Variants in EVC2 observed in about 807,000 individuals in gnomAD.
EVC2 encodes EvC ciliary complex subunit 2.
In EVC2, 148 loss-of-function variants were observed where a neutral mutation model predicts 149.3. The ratio of observed to expected loss-of-function variants is 0.99; its 90% CI spans 0.87 to 1.14. The LOEUF is 1.14. Ranked by LOEUF, EVC2 falls within the 50% of genes most tolerant of loss-of-function variation. EVC2 has a pLI of 0.00. For missense variants in EVC2, 1,854 were observed against 1,627.3 expected (o/e 1.14, Z -2.40); for synonymous variants, 776 against 649.9 (o/e 1.19, Z -2.95).
the EVC2 span, among the ~76,000 whole-genome samples, chr4:5,537,132 G>C: frequency 6.6e-6 from 1 of 152,094 alleles, no homozygotes; most frequent in Non-Finnish European, 1.5e-5. Flanking sequence ...AGAAAGATGA[G>C]GTGAGCCTAG....
the EVC2 span, among the ~76,000 whole-genome samples, chr4:5,534,286 T>A: frequency 1.1e-3 from 166 of 152,282 alleles, no homozygotes; most frequent in African/African-American, 3.8e-3. Context: ...GTGGGTGCTG[T>A]TCACTGCCAC....
chr4:5,695,929 G>A (rs1721446798), intron 2 of EVC2, among the ~76,000 whole-genome samples: 1 of 152,160 alleles, frequency 6.6e-6, no homozygotes, highest in South Asian at 2.1e-4. Context: ...TTAAATTACA[G>A]TATTTTTTTC....
chr4:5,668,239 T>C (rs565560506), intron 7 of EVC2, among the ~76,000 whole-genome samples: 1 of 152,324 alleles, frequency 6.6e-6, no homozygotes, highest in African/African-American at 2.4e-5. Context: ...GACAGACCAA[T>C]GAGGCCACCC....
the EVC2 span, among the ~76,000 whole-genome samples, chr4:5,537,268 GC>G: frequency 6.6e-6 from 1 of 152,170 alleles, no homozygotes; most frequent in African/African-American, 2.4e-5. Context: ...GCTATGGAGA[GC>G]CAGAACACTG....
At chr4:5,537,507 G>A in the EVC2 span, among the ~76,000 whole-genome samples, 1 of 152,116 alleles carries the variant, frequency 6.6e-6, no homozygotes, top group Non-Finnish European at 1.5e-5. Context: ...CTCAATAGTG[G>A]GGAATCATTA....
chr4:5,596,047 T>A (rs1017277453), intron 16 of EVC2, among the ~76,000 whole-genome samples: 16 of 152,256 alleles, frequency 1.1e-4, no homozygotes, highest in East Asian at 5.8e-4. Context: ...CACCCAATAC[T>A]GGAGCACCCA....
chr4:5,708,381 G>A lies in EVC2; in HGVS notation c.133C>T (p.Gln45Ter), dbSNP rs1477102573. The A allele has an allele frequency of 2.0e-6, 3 of 1,494,636 alleles. No individual in the cohort carries two copies. The highest frequency in any genetic ancestry group is 2.7e-5 in the East Asian group (1 of 36,784). 92.6% of individuals were successfully genotyped at this position (1,494,636 alleles called of 1,614,324 possible). ...SRPRWRPLGA[Q>*]PPRDPQVAPR... ...GCCACCTGGGGATCCCGGGGTGGCT[G>A]CGCGCCGAGGGGGCGCCAGCGGGGA... The change falls in exon 1 of 22, where the codon CAG becomes TAG. Residue 45 changes from glutamine (Q) to a stop codon, truncating the protein, a stop_gained. Transcript: ENST00000344408. LOFTEE classifies it high-confidence loss of function.
intron 21 of EVC2, among the ~76,000 whole-genome samples, chr4:5,553,272 A>G (rs572307953): frequency 6.6e-6 from 1 of 152,308 alleles, no homozygotes; most frequent in Admixed American, 6.5e-5. Flanking sequence ...TTAAACAAAC[A>G]GATCTTGCGA....
At chr4:5,609,263 A>G (rs981620867) in intron 16 of EVC2, among the ~76,000 whole-genome samples, 15 of 152,208 alleles carry the variant, frequency 9.9e-5, no homozygotes, top group African/African-American at 3.6e-4. Flanking sequence ...CTGGAAAACC[A>G]TGATTAATAT....
intron 7 of EVC2, 127 bp from the exon 8 acceptor site, chr4:5,665,776 C>A: frequency 2.8e-6 from 4 of 1,431,986 alleles, no homozygotes; most frequent in Non-Finnish European, 3.8e-6. Context: ...TTGAGTCTCG[C>A]TCTGCCAGCT....
At chr4:5,598,174 C>T (rs1242478166) in intron 16 of EVC2, among the ~76,000 whole-genome samples, 4 of 151,992 alleles carry the variant, frequency 2.6e-5, no homozygotes, top group Non-Finnish European at 5.9e-5. Context: ...ATGCCATCCC[C>T]ATCCAGCTAC....
chr4:5,700,196 T>C (rs1199695647), intron 1 of EVC2, among the ~76,000 whole-genome samples: 1 of 152,174 alleles, frequency 6.6e-6, no homozygotes, highest in Non-Finnish European at 1.5e-5. Context: ...TGTATGTGTG[T>C]GGGCAGAGGA....
intron 21 of EVC2, among the ~76,000 whole-genome samples, chr4:5,557,395 G>T (rs970436969): frequency 1.7e-4 from 26 of 152,200 alleles, no homozygotes; most frequent in Admixed American, 6.5e-4. Context: ...GCACACTATA[G>T]AGAGGCACTT....
chr4:5,665,332 A>T (rs1719195771), intron 8 of EVC2, among the ~76,000 whole-genome samples, 183 bp downstream of exon 8: 1 of 152,072 alleles, frequency 6.6e-6, no homozygotes, highest in African/African-American at 2.4e-5. Context: ...AAGAAAAAAA[A>T]AGAATGATGG....
upstream of EVC2, chr4:5,708,648 A>C: frequency 1.7e-6 from 1 of 602,070 alleles, no homozygotes; most frequent in Non-Finnish European, 2.6e-6. Flanking sequence ...AAACACCCGC[A>C]TCTGGGGCTT....
At chr4:5,672,109 T>C (rs1434882559) in intron 7 of EVC2, among the ~76,000 whole-genome samples, 2 of 152,166 alleles carry the variant, frequency 1.3e-5, no homozygotes. Context: ...ACAGTGTGCC[T>C]GGGCTGAGGC....
intron 16 of EVC2, 81 bp from the exon 17 acceptor site, chr4:5,584,931 T>A: frequency 6.8e-7 from 1 of 1,468,928 alleles, no homozygotes; most frequent in Admixed American, 1.8e-5. Context: ...CCTTTCAGAG[T>A]TCACAGACCT....
intron 16 of EVC2, among the ~76,000 whole-genome samples, chr4:5,599,100 G>T (rs1179608723): frequency 1.3e-5 from 2 of 151,982 alleles, no homozygotes; most frequent in East Asian, 3.9e-4. Context: ...TGGAGAAATA[G>T]GAACACTTTT....
Position 5,677,441 on chromosome 4 carries a change from G to T in EVC2, c.870+3819C>A, listed in dbSNP as rs942720241. The stretch of plus-strand genomic sequence containing the variant: ...CAGCCTGGGGGCGCCTGTCCTGGGG[G>T]CTGGTGTGGCTGAAATCCAGCCCCA... On this transcript the variant is annotated intron_variant, in intron 7 of 21. Coordinates refer to ENST00000344408, the MANE Select transcript of EVC2 (RefSeq NM_147127.5). This position sits in a 1 kb window ranked among gnomAD's most constrained non-coding sequence, Gnocchi z 4.3. Among the ~76,000 whole-genome samples the T allele has an allele frequency of 6.6e-6, 1 of 152,186 alleles. No individual in the cohort carries two copies. Among genetic ancestry groups the T allele is most frequent in the Non-Finnish European group, 1.5e-5 (1 of 68,038 alleles).
Sources: allele counts gnomAD v4.1 joint callset (sites outside exome capture counted in the v4.1 genomes callset), GRCh38; gene constraint gnomAD v4.1.1; non-coding constraint Gnocchi (gnomAD v3.1); transcripts MANE v1.5; gene names NCBI Gene and HGNC (gene_info 2026-07-23, HGNC 2026-07-21).